TEKT5: variants seen among roughly 807,000 people sequenced by gnomAD.
The protein encoded by TEKT5 is tektin-5.
TEKT5 carries 52 observed loss-of-function variants against 48.7 expected under a neutral mutation model. That is an observed-to-expected ratio of 1.07 (90% CI 0.86 to 1.35). The LOEUF (loss-of-function observed/expected upper bound fraction) is 1.35, where lower values mean the gene tolerates loss of function less well. Ranked by LOEUF, TEKT5 falls within the 40% of genes most tolerant of loss-of-function variation. The pLI, the probability that TEKT5 is intolerant of heterozygous loss-of-function variation, is 0.00. For synonymous variants in TEKT5, 318 were observed against 267.6 expected (o/e 1.19, Z -1.84); for missense variants, 831 against 641.6 (o/e 1.30, Z -3.19).
intron 5 of TEKT5, among the ~76,000 whole-genome samples, chr16:10,641,143 A>C (rs1897988803): frequency 2.0e-5 from 3 of 152,194 alleles, no homozygotes; most frequent in Non-Finnish European, 4.4e-5. Flanking sequence ...TAGTGTGGTC[A>C]GTCTTTTTAA....
intron 6 of TEKT5, among the ~76,000 whole-genome samples, chr16:10,633,799 G>T (rs189863204): frequency 1.4e-4 from 22 of 152,218 alleles, no homozygotes; most frequent in Admixed American, 1.4e-3. Context: ...TCCTGCCTCG[G>T]CCTTCCAAAG....
chr16:10,641,959 A>T (rs979015667), intron 5 of TEKT5, among the ~76,000 whole-genome samples: 1 of 152,264 alleles, frequency 6.6e-6, no homozygotes, highest in Non-Finnish European at 1.5e-5. Context: ...CAAGCTCTGA[A>T]GAAGCTCAGT....
intron 5 of TEKT5, among the ~76,000 whole-genome samples, chr16:10,638,266 C>T (rs1031304773): frequency 2.6e-5 from 4 of 152,182 alleles, no homozygotes; most frequent in African/African-American, 9.7e-5. Context: ...CACAAACACC[C>T]GGAACTGAGA....
intron 5 of TEKT5, among the ~76,000 whole-genome samples, chr16:10,636,724 T>TGG (rs34594695): frequency 6.7e-6 from 1 of 150,252 alleles, no homozygotes; most frequent in African/African-American, 2.5e-5. Flanking sequence ...TGTGTGTGTG[T>TGG]GTATTCAAAC....
chr16:10,632,274 CTTTA>C (rs1382482393), intron 6 of TEKT5, among the ~76,000 whole-genome samples: 2 of 152,080 alleles, frequency 1.3e-5, no homozygotes, highest in Admixed American at 6.6e-5. Flanking sequence ...GAATTTTTAA[CTTTA>C]TTTAATTTTC....
Position 10,694,504 on chromosome 16 carries a change from G to T in TEKT5, c.370C>A (p.Gln124Lys), listed in dbSNP as rs755907836. 2.5e-6 allele frequency: 4 copies of T among 1,612,612 alleles called. No homozygotes were observed. The highest frequency in any genetic ancestry group is 2.7e-5 in the African/African-American group (2 of 74,910). Residue 124 changes from glutamine to lysine, a missense_variant, in exon 1 of 7, where the codon CAG becomes AAG. Physicochemically the swap from Gln to Lys is moderately conservative, Grantham distance 53 (BLOSUM62 1). Transcript: ENST00000283025. ...TGGTGCGTCAGCTGGTCCTTGTCCT[G>T]CAAGAGCCTCATGGAGTCATCCGTC... ...RLTDDSMRLL[Q>K]DKDQLTHQMQ...
Position 10,675,990 on chromosome 16 carries a change from A to G in TEKT5, c.1055T>C (p.Val352Ala), listed in dbSNP as rs576873067. ...FNARISEVTD[V>A]KNKLQTQLAK... Reference sequence around the variant, plus strand: ...CAGCTGCGTCTGCAGCTTATTCTTCACATCCGTCACCTCAGAGATGCGGGC... The same window carrying G: ...CAGCTGCGTCTGCAGCTTATTCTTCGCATCCGTCACCTCAGAGATGCGGGC... Residue 352 changes from valine to alanine, a missense_variant, in exon 5 of 7, where the codon GTG becomes GCG. Val to Ala is a moderately conservative substitution (Grantham distance 64). Transcript: ENST00000283025. 9.9e-6 allele frequency: 16 copies of G among 1,614,176 alleles called. No individual in the cohort carries two copies. The South Asian group carries it at 1.3e-4, about 13-fold the overall frequency.
At chr16:10,633,696 C>T (rs1049970778) in intron 6 of TEKT5, among the ~76,000 whole-genome samples, 4 of 152,118 alleles carry the variant, frequency 2.6e-5, no homozygotes, top group Non-Finnish European at 4.4e-5. Flanking sequence ...GTACATGTCA[C>T]GATGCCTGGC....
intron 6 of TEKT5, among the ~76,000 whole-genome samples, chr16:10,628,082 T>C (rs566852075): frequency 4.3e-4 from 65 of 152,182 alleles, no homozygotes; most frequent in African/African-American, 1.4e-3. Context: ...CTGACCTCAG[T>C]TGATCCACTT....
At position 10,676,033 on chromosome 16, in the gene TEKT5, T is replaced by C. The variant is rs1898638582; in HGVS notation, c.1012A>G (p.Thr338Ala). 2.5e-6 allele frequency: 4 copies of C among 1,614,198 alleles called. No homozygotes were observed. Among genetic ancestry groups the C allele is most frequent in the Non-Finnish European group, 3.4e-6 (4 of 1,180,034 alleles). Residue 338 changes from threonine (T) to alanine (A), a missense_variant, in exon 5 of 7, where the codon ACC (threonine) becomes GCC (alanine). Transcript: ENST00000283025. ...ATGCGGGCGTTGAAGGCCAGGTTGG[T>C]GTCTGTGAACTGCCTCCACATCTGA... ...SDQMWRQFTD[T>A]NLAFNARISE...
At chr16:10,657,993 A>G (rs1898292005) in intron 5 of TEKT5, among the ~76,000 whole-genome samples, 1 of 152,286 alleles carries the variant, frequency 6.6e-6, no homozygotes, top group African/African-American at 2.4e-5. Context: ...GTATAGTTAC[A>G]GTTGTCCAGC....
intron 4 of TEKT5, among the ~76,000 whole-genome samples, 191 bp from the exon 5 acceptor site, chr16:10,676,372 G>C (rs543803914): frequency 2.0e-5 from 3 of 152,292 alleles, no homozygotes; most frequent in Admixed American, 2.0e-4. Context: ...CCACCCCGTT[G>C]TGACAACCAA....
At chr16:10,676,240 C>T (rs1224132727) in intron 4 of TEKT5, 59 bp from the exon 5 acceptor site, 1 of 1,542,364 alleles carries the variant, frequency 6.5e-7, no homozygotes, top group Non-Finnish European at 8.9e-7. Context: ...TCTGTGGTTT[C>T]TCCGCCTTGG....
chr16:10,664,771 CA>C (rs963392999), intron 5 of TEKT5, among the ~76,000 whole-genome samples: 1 of 152,154 alleles, frequency 6.6e-6, no homozygotes, highest in African/African-American at 2.4e-5. Context: ...TTAGTCATAC[CA>C]AAATTCAAAC....
chr16:10,688,918 G>C (rs1596421641), intron 3 of TEKT5, among the ~76,000 whole-genome samples: 1 of 152,182 alleles, frequency 6.6e-6, no homozygotes, highest in Non-Finnish European at 1.5e-5. Flanking sequence ...GGGCCTCAGG[G>C]AGGCCAGTTG....
intron 5 of TEKT5, among the ~76,000 whole-genome samples, chr16:10,654,222 T>C (rs1271553162): frequency 6.6e-6 from 1 of 152,162 alleles, no homozygotes; most frequent in African/African-American, 2.4e-5. Context: ...AGCTAATTTT[T>C]GTGTTTTTCA....
chr16:10,676,410 C>G (rs1898647774), intron 4 of TEKT5, among the ~76,000 whole-genome samples: 1 of 152,198 alleles, frequency 6.6e-6, no homozygotes, highest in Non-Finnish European at 1.5e-5. Flanking sequence ...CGCCAAATGA[C>G]CCTGCCAAAT....
In TEKT5 at chr16:10,674,143, G is replaced by A. The variant is rs529051563; in HGVS notation, c.1086+1816C>T. Among the ~76,000 whole-genome samples, 469 of 151,838 alleles carry A rather than the reference G, an allele frequency of 3.1e-3. 3 individuals carry two copies. The highest frequency in any genetic ancestry group is 0.011 in the African/African-American group (435 of 41,416). On this transcript the variant is annotated intron_variant, in intron 5 of 6. Transcript: ENST00000283025. ...CTGCCCCTTCCTCCAGCTTCATCCCGGACGCTTCCTTTGCCCTTGCTGCTC... is the reference window on the plus strand; with the variant it reads ...CTGCCCCTTCCTCCAGCTTCATCCCAGACGCTTCCTTTGCCCTTGCTGCTC...
In TEKT5 at chr16:10,689,323, C is replaced by A. The variant is rs767645978; in HGVS notation, c.649G>T (p.Glu217Ter). ...HDNVEKNLIREVDLLKCCQEQ... is the reference protein window; with the variant it reads ...HDNVEKNLIR The stretch of plus-strand genomic sequence containing the variant: ...TGGCAACATTTTAGCAAATCCACTT[C>A]CTGAAATGAAAAATGTCAGAAAGAG... Residue 217 changes from glutamate to a stop codon, truncating the protein, a stop_gained and splice_region_variant, in exon 3 of 7, where the codon GAA becomes TAA. Transcript: ENST00000283025. LOFTEE classifies it high-confidence loss of function. 6.2e-7 allele frequency: 1 copy of A among 1,612,720 alleles called. No homozygotes were observed. Among genetic ancestry groups the A allele is most frequent in the East Asian group, 2.2e-5 (1 of 44,872 alleles).
Sources: allele counts gnomAD v4.1 joint callset (sites outside exome capture counted in the v4.1 genomes callset), GRCh38; gene constraint gnomAD v4.1.1; transcripts MANE v1.5; gene names NCBI Gene and HGNC (gene_info 2026-07-23, HGNC 2026-07-21).